Variants in ADAMTS9 observed in about 807,000 individuals in gnomAD.
The protein encoded by ADAMTS9 is ADAM metallopeptidase with thrombospondin type 1 motif 9.
ADAMTS9 carries 107 observed loss-of-function variants against 257.1 expected under a neutral mutation model. The ratio of observed to expected loss-of-function variants is 0.42; its 90% CI spans 0.36 to 0.49. The LOEUF is 0.49. ADAMTS9 is among the 20% of genes least tolerant of loss of function. The pLI is 0.03. For synonymous variants in ADAMTS9, 982 were observed against 880.9 expected (o/e 1.11, Z -2.03); for missense variants, 2,353 against 2,469.1 (o/e 0.95, Z 1.00).
intron 2 of ADAMTS9, among the ~76,000 whole-genome samples, chr3:64,684,556 C>T (rs116703588): frequency 0.011 from 1,613 of 152,144 alleles, 15 homozygotes; most frequent in Non-Finnish European, 0.018. Context: ...GACAAAGGGG[C>T]AGGGGTTTTG....
chr3:64,655,509 A>T, intron 6 of ADAMTS9, 67 bp downstream of exon 6: 1 of 1,309,384 alleles, frequency 7.6e-7, no homozygotes, highest in South Asian at 1.2e-5. Context: ...ACTATTAGGA[A>T]TGCATGACCA....
At chr3:64,684,290 A>G (rs1701835462) in intron 2 of ADAMTS9, among the ~76,000 whole-genome samples, 1 of 152,090 alleles carries the variant, frequency 6.6e-6, no homozygotes, top group South Asian at 2.1e-4. Context: ...AGAGAGGGGG[A>G]GAAAAGTGAA....
At chr3:64,654,542 A>G in intron 7 of ADAMTS9, 30 bp downstream of exon 7, 6 of 1,613,400 alleles carry the variant, frequency 3.7e-6, no homozygotes, top group Non-Finnish European at 5.1e-6. Context: ...AAACGGTTTT[A>G]GCCATAGAAG....
In ADAMTS9 at chr3:64,686,823, G is replaced by A; in HGVS notation, c.261C>T (p.Ala87=). 4 of 1,614,132 alleles carry A rather than the reference G, an allele frequency of 2.5e-6. No homozygotes were observed. Among genetic ancestry groups the A allele is most frequent in the Non-Finnish European group, 3.4e-6 (4 of 1,180,002 alleles). The part of the protein sequence containing the change: ...NSATDPWPAF[A]SSSSSSTSSQ... ...AGGAGGTAGAGGAGGAAGAGGAGGAGGCGAAGGCAGGCCAGGGGTCAGTGG... is the reference window on the plus strand; with the variant it reads ...AGGAGGTAGAGGAGGAAGAGGAGGAAGCGAAGGCAGGCCAGGGGTCAGTGG... The change falls in exon 2 of 40, where the codon GCC becomes GCT. Residue 87 remains alanine (A), a synonymous_variant. Transcript: ENST00000498707. This position sits in a 1 kb window ranked among gnomAD's most constrained non-coding sequence, Gnocchi z 4.6.
At chr3:64,523,363 A>G (rs565458270) in intron 38 of ADAMTS9, among the ~76,000 whole-genome samples, 24 of 152,282 alleles carry the variant, frequency 1.6e-4, no homozygotes, top group African/African-American at 5.3e-4. Context: ...GAAGTGACTA[A>G]AGAATTAGAC....
intron 29 of ADAMTS9, among the ~76,000 whole-genome samples, chr3:64,564,910 C>A (rs928164730): frequency 1.3e-5 from 2 of 151,972 alleles, no homozygotes; most frequent in Non-Finnish European, 2.9e-5. Flanking sequence ...AAAACAAAAC[C>A]AAAAACACAA....
intron 9 of ADAMTS9, 58 bp downstream of exon 9, chr3:64,650,959 T>C (rs1366571895): frequency 6.6e-7 from 1 of 1,509,340 alleles, no homozygotes; most frequent in African/African-American, 1.4e-5. Context: ...CCACAATTAG[T>C]TCACTACATG....
intron 28 of ADAMTS9, among the ~76,000 whole-genome samples, chr3:64,571,538 A>C (rs1576042516): frequency 6.6e-6 from 1 of 152,224 alleles, no homozygotes; most frequent in East Asian, 1.9e-4. Flanking sequence ...TCTTTTCACT[A>C]TCTGGACTAG....
At chr3:64,634,924 G>C (rs1700457271) in intron 12 of ADAMTS9, among the ~76,000 whole-genome samples, 1 of 152,146 alleles carries the variant, frequency 6.6e-6, no homozygotes, top group Non-Finnish European at 1.5e-5. Context: ...GAGGTAGAAA[G>C]AGCTCTAGAG....
At chr3:64,616,794 G>A (rs1409690421) in intron 19 of ADAMTS9, among the ~76,000 whole-genome samples, 3 of 152,112 alleles carry the variant, frequency 2.0e-5, no homozygotes, top group Non-Finnish European at 2.9e-5. Flanking sequence ...GTATTTTGTT[G>A]ATTAGATTTA....
chr3:64,681,503 C>T, intron 2 of ADAMTS9, 140 bp from the exon 3 acceptor site: 1 of 798,812 alleles, frequency 1.3e-6, no homozygotes, highest in South Asian at 2.1e-5. Context: ...ACTGAAAATG[C>T]TGCAACATAT....
Position 64,686,742 on chromosome 3 carries a change from G to T in ADAMTS9, c.342C>A (p.Thr114=). The change falls in exon 2 of 40, where the codon ACC becomes ACA. Residue 114 remains threonine, a synonymous_variant. Transcript: ENST00000498707. The surrounding 1 kb of genome is among the most constrained non-coding windows in gnomAD (Gnocchi z 4.6). ...GTGGAGCGATAAATCCGGCATTGGCGGTGAGATTAAATAGAAACTGCTGGC... is the reference window on the plus strand; with the variant it reads ...GTGGAGCGATAAATCCGGCATTGGCTGTGAGATTAAATAGAAACTGCTGGC... ...AFGQQFLFNL[T]ANAGFIAPLF... 1 of 1,614,228 alleles carries T rather than the reference G, an allele frequency of 6.2e-7. No homozygotes were observed. Among genetic ancestry groups the T allele is most frequent in the Non-Finnish European group, 8.5e-7 (1 of 1,180,040 alleles).
chr3:64,684,449 C>A (rs1197945046), intron 2 of ADAMTS9, among the ~76,000 whole-genome samples: 2 of 151,942 alleles, frequency 1.3e-5, no homozygotes, highest in Non-Finnish European at 2.9e-5. Context: ...TCAAGATTTC[C>A]TGGAAGACTC....
chr3:64,601,349 G>T (rs1036275287), intron 26 of ADAMTS9, among the ~76,000 whole-genome samples: 9 of 152,248 alleles, frequency 5.9e-5, no homozygotes, highest in African/African-American at 2.2e-4. Flanking sequence ...CCTGCAGAAG[G>T]TCCCCAAATT....
At chr3:64,646,785 A>C (rs1002566215) in intron 11 of ADAMTS9, among the ~76,000 whole-genome samples, 1 of 152,188 alleles carries the variant, frequency 6.6e-6, no homozygotes, top group South Asian at 2.1e-4. Flanking sequence ...GAGCTCAGTG[A>C]GCTTCAGTTA....
At chr3:64,539,146 T>C (rs2083089216) in intron 37 of ADAMTS9, 57 bp downstream of exon 37, 1 of 1,515,038 alleles carries the variant, frequency 6.6e-7, no homozygotes, top group Non-Finnish European at 9.2e-7. Context: ...ACTGAGGATG[T>C]TCCCGGGAAA....
intron 27 of ADAMTS9, among the ~76,000 whole-genome samples, chr3:64,596,362 T>G (rs1032174346): frequency 6.6e-6 from 1 of 152,178 alleles, no homozygotes; most frequent in East Asian, 1.9e-4. Context: ...TACTCACTTC[T>G]GCAATAAAAA....
chr3:64,643,612 T>G (rs1700714639), intron 11 of ADAMTS9, among the ~76,000 whole-genome samples: 1 of 151,624 alleles, frequency 6.6e-6, no homozygotes, highest in Non-Finnish European at 1.5e-5. Flanking sequence ...GCCACCATGC[T>G]CAGCTAAATT....
At chr3:64,671,311 G>A (rs548258045) in intron 3 of ADAMTS9, among the ~76,000 whole-genome samples, 60 of 152,208 alleles carry the variant, frequency 3.9e-4, no homozygotes, top group African/African-American at 1.3e-3. Context: ...AGAAAACAGG[G>A]GTGGGGAGAG....
Sources: gnomAD v4.1 joint callset for allele counts (sites outside exome capture counted in the v4.1 genomes callset) on GRCh38, gnomAD v4.1.1 for gene constraint, Gnocchi (gnomAD v3.1) non-coding constraint, MANE v1.5 for transcripts, NCBI Gene and HGNC (gene_info 2026-07-23, HGNC 2026-07-21) for gene names.